The following SH2B2 variants were observed in gnomAD, a reference collection of about 807,000 sequenced individuals.
SH2B2 encodes the protein SH2B adapter protein 2.
SH2B2 carries 37 observed loss-of-function variants against 35.7 expected under a neutral mutation model. The ratio of observed to expected loss-of-function variants is 1.04; its 90% CI spans 0.80 to 1.36. The LOEUF (loss-of-function observed/expected upper bound fraction) is 1.36. SH2B2 is among the 40% of genes most tolerant of loss of function. The pLI, the probability that SH2B2 is intolerant of heterozygous loss-of-function variation, is 0.00. For missense variants in SH2B2, 852 were observed against 817.7 expected (o/e 1.04, Z -0.51); for synonymous variants, 383 against 376.4 (o/e 1.02, Z -0.20).
chr7:102,295,573 C>T (rs1792875387), intron 1 of SH2B2, among the ~76,000 whole-genome samples: 1 of 152,176 alleles, frequency 6.6e-6, no homozygotes, highest in African/African-American at 2.4e-5. Context: ...TTGCCCTGCG[C>T]ACTCTCTGTG....
At chr7:102,315,706 C>T (rs1364329717) in intron 6 of SH2B2, among the ~76,000 whole-genome samples, 1 of 135,598 alleles carries the variant, frequency 7.4e-6, no homozygotes, top group Non-Finnish European at 1.5e-5. Flanking sequence ...CACACCATTG[C>T]ACTCCAGCCT....
At position 102,297,820 on chromosome 7, in the gene SH2B2, C is replaced by CA. The variant is rs2132937693; in HGVS notation, c.-29-2702_-29-2701insA. 6.6e-6 allele frequency among the ~76,000 whole-genome samples: 1 copy of CA among 152,090 alleles called. No homozygotes were observed. Among genetic ancestry groups the CA allele is most frequent in the Non-Finnish European group, 1.5e-5 (1 of 68,008 alleles). On this transcript the variant is annotated intron_variant, in intron 1 of 8. Transcript: ENST00000444095. This position sits in a 1 kb window ranked among gnomAD's most constrained non-coding sequence, Gnocchi z 4.3. ...GGAAGGGGGTGGAGGGGACACACAA[C>CA]CAAGCAACTAAATATATGATATGAC...
chr7:102,285,321 T>C (rs116760711), upstream of SH2B2: 3,474 of 1,163,392 alleles, frequency 3.0e-3, 65 homozygotes, highest in African/African-American at 0.044. Flanking sequence ...AACCAGGCCA[T>C]GTATGGAGCT....
chr7:102,304,298 T>C (rs1470216843), intron 2 of SH2B2, among the ~76,000 whole-genome samples: 4 of 152,014 alleles, frequency 2.6e-5, no homozygotes, highest in Admixed American at 2.6e-4. Context: ...GTGAGTCAGG[T>C]CTCTGGCTTC....
intron 2 of SH2B2, 77 bp from the exon 3 acceptor site, chr7:102,306,644 C>A: frequency 1.9e-6 from 2 of 1,067,258 alleles, no homozygotes; most frequent in Non-Finnish European, 2.8e-6. Context: ...GCCACTCTAA[C>A]ACCTGGCAGC....
At chr7:102,293,117 C>CG (rs1792745800) in intron 1 of SH2B2, 1 of 151,696 alleles carries the variant, frequency 6.6e-6, no homozygotes, top group Non-Finnish European at 1.5e-5. Flanking sequence ...GGCGGGGCGG[C>CG]GAGTCCGACT....
intron 6 of SH2B2, among the ~76,000 whole-genome samples, chr7:102,316,946 A>G (rs944547839): frequency 1.9e-4 from 29 of 151,924 alleles, no homozygotes; most frequent in Non-Finnish European, 3.1e-4. Flanking sequence ...TTGAACCCGG[A>G]AGGCAGAGGT....
Position 102,300,504 on chromosome 7 carries a change from C to G in SH2B2, c.-29-18C>G, listed in dbSNP as rs1404820996. The G allele has an allele frequency of 6.6e-7, 1 of 1,516,928 alleles. No individual in the cohort carries two copies. The highest frequency in any genetic ancestry group is 1.4e-5 in the African/African-American group (1 of 72,132). 94.0% of individuals were successfully genotyped at this position (1,516,928 alleles called of 1,614,324 possible). On this transcript the variant is annotated intron_variant, in intron 1 of 8. Transcript: ENST00000444095. Reference sequence around the variant, plus strand: ...GATCACAGGCCTGAAAGTCACTGCGCGCTCTTCTCGCCCGAAGCCGCAGGT... The same window carrying G: ...GATCACAGGCCTGAAAGTCACTGCGGGCTCTTCTCGCCCGAAGCCGCAGGT...
At chr7:102,290,661 AG>A (rs1554551644) in intron 1 of SH2B2, among the ~76,000 whole-genome samples, 1 of 152,136 alleles carries the variant, frequency 6.6e-6, no homozygotes, top group Non-Finnish European at 1.5e-5. Flanking sequence ...CATGGTGGGT[AG>A]TCACCTCCCT....
intron 2 of SH2B2, among the ~76,000 whole-genome samples, chr7:102,302,388 T>A (rs1793228817): frequency 6.6e-6 from 1 of 152,230 alleles, no homozygotes; most frequent in South Asian, 2.1e-4. Flanking sequence ...CAGGGGGTCC[T>A]TTTCTGGCCA....
rs117727164 is a variant in SH2B2, at chr7:102,310,311, C to T, written c.923+1405C>T. Reference sequence around the variant, plus strand: ...AGTCTGAGCGACAGAGCAAGACTGTCTCAAAATATTAATAATAATAATTTT... The same window carrying T: ...AGTCTGAGCGACAGAGCAAGACTGTTTCAAAATATTAATAATAATAATTTT... On this transcript the variant is annotated intron_variant, in intron 4 of 8. Transcript: ENST00000444095. Among the ~76,000 whole-genome samples the T allele has an allele frequency of 2.5e-4, 38 of 152,210 alleles. 1 individual carries two copies. The East Asian group carries it at 6.0e-3, about 24-fold the overall frequency.
At chr7:102,292,168 C>T (rs1160515042) in intron 1 of SH2B2, among the ~76,000 whole-genome samples, 1 of 151,986 alleles carries the variant, frequency 6.6e-6, no homozygotes, top group Admixed American at 6.6e-5. Context: ...AAGGAGGTAC[C>T]CCAAGAAGAG....
chr7:102,311,078 A>AATT (rs782315218), intron 4 of SH2B2, among the ~76,000 whole-genome samples: 31 of 152,082 alleles, frequency 2.0e-4, no homozygotes, highest in Admixed American at 4.6e-4. Context: ...AAATTTATTT[A>AATT]TTTATTTTTA....
intron 4 of SH2B2, among the ~76,000 whole-genome samples, chr7:102,311,036 C>A (rs549358657): frequency 1.3e-5 from 2 of 152,268 alleles, no homozygotes; most frequent in Admixed American, 1.3e-4. Flanking sequence ...AATCAATTTG[C>A]AAATGGCAGA....
chr7:102,314,773 T>A (rs1586600030), intron 6 of SH2B2, 91 bp downstream of exon 6: 2 of 398,346 alleles, frequency 5.0e-6, no homozygotes, highest in African/African-American at 4.1e-5. Context: ...TAAACCTTGC[T>A]AAGCCTCAGA....
chr7:102,303,980 G>A (rs967702265), intron 2 of SH2B2, among the ~76,000 whole-genome samples: 2 of 152,182 alleles, frequency 1.3e-5, no homozygotes, highest in Non-Finnish European at 2.9e-5. Context: ...TCATGCAAAG[G>A]TGGGGGCATT....
chr7:102,286,663 C>T (rs1300139655), upstream of SH2B2, among the ~76,000 whole-genome samples: 2 of 150,848 alleles, frequency 1.3e-5, no homozygotes, highest in Non-Finnish European at 3.0e-5. Flanking sequence ...CGGGCAGTCT[C>T]GGCACCGCAG....
At chr7:102,309,083 A>G (rs1554555448) in intron 4 of SH2B2, 177 bp downstream of exon 4, 2 of 683,056 alleles carry the variant, frequency 2.9e-6, no homozygotes, top group Non-Finnish European at 5.4e-6. Context: ...CCTACCTCCA[A>G]TCGCCAGCAG....
chr7:102,320,975 G>A (rs1794037677), intron 8 of SH2B2, among the ~76,000 whole-genome samples: 1 of 152,174 alleles, frequency 6.6e-6, no homozygotes, highest in South Asian at 2.1e-4. Flanking sequence ...GTGTGCGTGT[G>A]TGCGCATATG....
Sources: allele counts gnomAD v4.1 joint callset (sites outside exome capture counted in the v4.1 genomes callset), GRCh38; gene constraint gnomAD v4.1.1; non-coding constraint Gnocchi (gnomAD v3.1); transcripts MANE v1.5; gene names NCBI Gene and HGNC (gene_info 2026-07-23, HGNC 2026-07-21).